Variants in CROCC observed in about 807,000 individuals in gnomAD.
CROCC encodes the protein ciliary rootlet coiled-coil, rootletin.
CROCC carries 180 observed loss-of-function variants against 245.2 expected under a neutral mutation model. The ratio of observed to expected loss-of-function variants is 0.73; its 90% confidence interval spans 0.65 to 0.83. CROCC has a LOEUF of 0.83. Ranked by LOEUF, CROCC falls within the 40% of genes least tolerant of loss-of-function variation. The pLI, the probability that CROCC is intolerant of heterozygous loss-of-function variation, is 0.00. For synonymous variants in CROCC, 1,205 were observed against 1,241.6 expected (o/e 0.97, Z 0.62); for missense variants, 2,688 against 2,779.4 (o/e 0.97, Z 0.74).
At chr1:16,971,781 C>G (rs940441864) in intron 36 of CROCC, 134 bp downstream of exon 36, 50 of 924,608 alleles carry the variant, frequency 5.4e-5, no homozygotes, top group Non-Finnish European at 7.5e-5. Context: ...GTTGGCTCTG[C>G]GCTGGTGTCA....
At position 16,928,600 on chromosome 1, in the gene CROCC, G is replaced by A. The variant is rs548996399; in HGVS notation, c.352-1246G>A. ...GGGTGGATTACGAGGTCAGGAGTTC[G>A]AGACCAGCCTGGCCAACATAGTGAA... On this transcript the variant is annotated intron_variant, in intron 3 of 36. Transcript: ENST00000375541. Among the ~76,000 whole-genome samples the A allele has an allele frequency of 2.2e-4, 34 of 152,076 alleles. No homozygotes were observed. In the South Asian group the frequency reaches 5.8e-3, roughly 26 times the overall value.
Position 16,937,752 on chromosome 1 carries a change from C to T in CROCC, c.1290+15C>T. 1 of 1,596,838 alleles carries T rather than the reference C, an allele frequency of 6.3e-7. No homozygotes were observed. Among genetic ancestry groups the T allele is most frequent in the South Asian group, 1.1e-5 (1 of 89,710 alleles). ...TTGAGGCCCTGGTGAGCTGCAGGTG[C>T]CCCTGAGATGGGGCAGGGTGAGATG... is the stretch of plus-strand genomic sequence containing the variant. On this transcript the variant is annotated intron_variant, in intron 10 of 36. Transcript: ENST00000375541.
At chr1:16,926,670 C>G (rs918316637) in intron 3 of CROCC, among the ~76,000 whole-genome samples, 6 of 152,384 alleles carry the variant, frequency 3.9e-5, no homozygotes, top group Admixed American at 1.3e-4. Flanking sequence ...GGGGGTCCCC[C>G]CTTCTTGCTG....
intron 25 of CROCC, among the ~76,000 whole-genome samples, chr1:16,957,796 T>TC (rs1466500965): frequency 6.6e-6 from 1 of 152,076 alleles, no homozygotes; most frequent in Non-Finnish European, 1.5e-5. Context: ...AAAAAAGAGA[T>TC]CACAACTGGA....
intron 16 of CROCC, 106 bp from the exon 17 acceptor site, chr1:16,946,655 T>A: frequency 7.9e-7 from 1 of 1,264,518 alleles, no homozygotes. Flanking sequence ...CCTCATTCCC[T>A]GGGAGCCTCC....
At chr1:16,969,735 C>G (rs759656381) in intron 32 of CROCC, 50 bp from the exon 33 acceptor site, 1 of 1,576,358 alleles carries the variant, frequency 6.3e-7, no homozygotes, top group Non-Finnish European at 8.6e-7. Flanking sequence ...ATAGAGAGGA[C>G]TCCTTAGGGC....
chr1:16,948,924 C>G lies in CROCC; in HGVS notation c.2834C>G (p.Thr945Ser). 1 of 1,611,396 alleles carries G rather than the reference C, an allele frequency of 6.2e-7. No homozygotes were observed. Among genetic ancestry groups the G allele is most frequent in the South Asian group, 1.1e-5 (1 of 90,956 alleles). The change falls in exon 19 of 37, where the codon ACT (threonine) becomes AGT (serine). Residue 945 changes from threonine to serine, a missense_variant and splice_region_variant. Physicochemically the swap from Thr to Ser is moderately conservative, Grantham distance 58 (BLOSUM62 1). Transcript: ENST00000375541. ...QALLLAKETL[T>S]GELAGLRQQI... ...CTGCTGCTGGCCAAGGAGACCCTGA[C>G]TGGTACGAGGGGCTGGGGACTTGGG...
intron 30 of CROCC, among the ~76,000 whole-genome samples, chr1:16,967,612 A>C (rs772871966): frequency 4.6e-5 from 7 of 151,918 alleles, no homozygotes; most frequent in Non-Finnish European, 8.8e-5. Context: ...AGGCTCTAAT[A>C]ACACCCCCTG....
rs1386727673 is a variant in CROCC at position 16,940,198 on chromosome 1, C to G, written c.1808+105C>G. 48 of 1,208,562 alleles carry G rather than the reference C, an allele frequency of 4.0e-5. No homozygotes were observed. In the African/African-American group the frequency reaches 7.0e-4, roughly 18 times the overall value. The allele number at this position is 1,208,562 out of a possible 1,614,324, so 74.9% of individuals were successfully genotyped here. On this transcript the variant is annotated intron_variant, in intron 13 of 36. Coordinates refer to ENST00000375541, the MANE Select transcript of CROCC (RefSeq NM_014675.5). ...TGGCTCTGCACTAATATGGTCGCCACTAGCTGCATGTGCCTATTAACGTTT... is the reference window on the plus strand; with the variant it reads ...TGGCTCTGCACTAATATGGTCGCCAGTAGCTGCATGTGCCTATTAACGTTT...
chr1:16,940,222 T>G, intron 13 of CROCC, 129 bp downstream of exon 13: 1 of 1,025,410 alleles, frequency 9.8e-7, no homozygotes, highest in Non-Finnish European at 1.4e-6. Context: ...CTATTAACGT[T>G]TATTTATTTA....
Position 16,970,976 on chromosome 1 carries a change from T to C in CROCC, c.5784+209T>C, listed in dbSNP as rs553100115. ...CGAAAGGCCTGTTTGCACGTGAGCC[T>C]GTGGGTTCATGTACGTTGTGGCCAT... On this transcript the variant is annotated intron_variant, in intron 35 of 36. Coordinates refer to ENST00000375541, the MANE Select transcript of CROCC (RefSeq NM_014675.5). 219 of 503,944 alleles carry C rather than the reference T, an allele frequency of 4.3e-4. 4 individuals are homozygous for C. In the South Asian group the frequency reaches 8.9e-3, roughly 21 times the overall value. 31.2% of individuals were successfully genotyped at this position (503,944 alleles called of 1,614,324 possible).
At chr1:16,960,675 G>T in intron 26 of CROCC, 83 bp from the exon 27 acceptor site, 1 of 1,372,016 alleles carries the variant, frequency 7.3e-7, no homozygotes, top group Non-Finnish European at 9.4e-7. Context: ...AGTCAGGGAT[G>T]GTGGGCTCCA....
chr1:16,936,808 C>G lies in CROCC; in HGVS notation c.1128C>G (p.Leu376=). ...QLEEQLRDKV[L]REKDLAQQQM... ...AGGAGCAGCTGCGGGACAAGGTGCT[C>G]CGCGAGAAGGACCTGGCGCAGCAGC... The change falls in exon 9 of 37, where the codon CTC becomes CTG. Residue 376 remains leucine, a synonymous_variant. Transcript: ENST00000375541. 6.2e-7 allele frequency: 1 copy of G among 1,612,234 alleles called. No individual in the cohort carries two copies. Among genetic ancestry groups the G allele is most frequent in the Non-Finnish European group, 8.5e-7 (1 of 1,179,836 alleles).
At chr1:16,962,670 G>A (rs1308309963) in intron 27 of CROCC, among the ~76,000 whole-genome samples, 1 of 150,072 alleles carries the variant, frequency 6.7e-6, no homozygotes, top group East Asian at 2.0e-4. Flanking sequence ...CACTGTGCCC[G>A]GCACACCTGG....
rs1461551041 is a variant in CROCC at position 16,948,471 on chromosome 1, G to A, written c.2655G>A (p.Leu885=). Reference sequence around the variant, plus strand: ...AGCACGCTGGCCTGGCTGTGCAGCTGGTGGCTGCGGAGCGTGAAGGCAGGA... The same window carrying A: ...AGCACGCTGGCCTGGCTGTGCAGCTAGTGGCTGCGGAGCGTGAAGGCAGGA... ...AKEHAGLAVQ[L]VAAEREGRTL... is the part of the protein sequence containing the mutation. The change falls in exon 18 of 37, where the codon CTG becomes CTA. Residue 885 remains leucine (L), a synonymous_variant. Transcript: ENST00000375541. The A allele has an allele frequency of 1.2e-5, 19 of 1,557,026 alleles. No homozygotes were observed. Among genetic ancestry groups the A allele is most frequent in the East Asian group, 2.4e-5 (1 of 42,190 alleles).
chr1:16,926,453 T>A (rs1203924833), intron 3 of CROCC, among the ~76,000 whole-genome samples: 2 of 152,256 alleles, frequency 1.3e-5, no homozygotes, highest in Non-Finnish European at 2.9e-5. Flanking sequence ...TGGCAGTGCC[T>A]GCCCCTGTGG....
In CROCC at chr1:16,930,139, A is replaced by C. The variant is rs767683184; in HGVS notation, c.553A>C (p.Lys185Gln). The stretch of plus-strand genomic sequence containing the variant: ...CCATCCCCAGATTCTCCAGTACAAG[A>C]AGAGGTGCTCGGAGCTGGAGCAGCA... ...RLQGKILQYKKRCSELEQQLL... is the reference protein window; with the variant it reads ...RLQGKILQYKQRCSELEQQLL... The change falls in exon 5 of 37, where the codon AAG becomes CAG. Residue 185 changes from lysine (K) to glutamine (Q), a missense_variant. Lys to Gln is a moderately conservative substitution (Grantham distance 53). Coordinates refer to ENST00000375541, the MANE Select transcript of CROCC (RefSeq NM_014675.5). 5.0e-6 allele frequency: 8 copies of C among 1,594,794 alleles called. No individual in the cohort carries two copies. The South Asian group carries it at 9.1e-5, about 18-fold the overall frequency.
intron 13 of CROCC, among the ~76,000 whole-genome samples, chr1:16,942,201 G>C (rs537843514): frequency 6.6e-6 from 1 of 152,348 alleles, no homozygotes; most frequent in Non-Finnish European, 1.5e-5. Flanking sequence ...TGTAGAGATA[G>C]GGTTTCGCCA....
At chr1:16,971,679 G>T (rs1320571174) in intron 36 of CROCC, 32 bp downstream of exon 36, 1 of 1,447,544 alleles carries the variant, frequency 6.9e-7, no homozygotes, top group African/African-American at 1.4e-5. Context: ...GCTGGGCCAG[G>T]ATGGATGTGT....
Sources: allele counts gnomAD v4.1 joint callset (sites outside exome capture counted in the v4.1 genomes callset), GRCh38; gene constraint gnomAD v4.1.1; transcripts MANE v1.5; gene names NCBI Gene and HGNC (gene_info 2026-07-23, HGNC 2026-07-21).